Variants in WDR41 observed in about 807,000 individuals in gnomAD.
The protein encoded by WDR41 is WD repeat-containing protein 41.
Under a neutral mutation model 69.3 loss-of-function variants are expected in WDR41, and 63 were observed. The observed-to-expected ratio is 0.91, with a 90% confidence interval of 0.74 to 1.12. The LOEUF (loss-of-function observed/expected upper bound fraction) is 1.12. WDR41 is among the 50% of genes most tolerant of loss of function. WDR41 has a pLI of 0.00. For synonymous variants in WDR41, 185 were observed against 192.1 expected (o/e 0.96, Z 0.31); for missense variants, 543 against 534.5 (o/e 1.02, Z -0.16).
At chr5:77,582,497 T>C in intron 1 of WDR41, 1 of 1,600,444 alleles carries the variant, frequency 6.2e-7, no homozygotes, top group Non-Finnish European at 8.5e-7. Context: ...GCCCAAAAGA[T>C]GCTTCGAAAG....
intron 1 of WDR41, among the ~76,000 whole-genome samples, chr5:77,594,743 G>T (rs4704434): frequency 6.6e-6 from 1 of 151,738 alleles, no homozygotes; most frequent in African/African-American, 2.4e-5. Context: ...AGCTACAGGG[G>T]AAAAAAAGCT....
At chr5:77,612,529 C>A (rs1744581999) in intron 1 of WDR41, among the ~76,000 whole-genome samples, 2 of 152,056 alleles carry the variant, frequency 1.3e-5, no homozygotes, top group African/African-American at 4.8e-5. Flanking sequence ...ATAAACAGAA[C>A]CAAAGACAAA....
chr5:77,520,546 A>T (rs866838598), intron 1 of WDR41, among the ~76,000 whole-genome samples: 58 of 152,198 alleles, frequency 3.8e-4, no homozygotes, highest in African/African-American at 1.4e-3. Flanking sequence ...ATACACTGGT[A>T]TATGCAGAAT....
At chr5:77,507,276 G>A (rs186133216) in intron 1 of WDR41, among the ~76,000 whole-genome samples, 44 of 152,278 alleles carry the variant, frequency 2.9e-4, no homozygotes, top group African/African-American at 1.0e-3. Flanking sequence ...TAAATTTTAT[G>A]TAGTATATAT....
rs537929317 is a variant in WDR41 at position 77,576,213 on chromosome 5, A to G, written c.42+44266T>C. On this transcript the variant is annotated intron_variant, in intron 1 of 5. Transcript: ENST00000509971. ...CCCCATTCCCTCCTGTCTCCCAAAA[A>G]TCATTGTCTCTTTTGCCTGTTTTTC... is the stretch of plus-strand genomic sequence containing the variant. Among the ~76,000 whole-genome samples the G allele has an allele frequency of 2.6e-5, 4 of 152,114 alleles. No homozygotes were observed. The South Asian group carries it at 8.3e-4, about 32-fold the overall frequency.
intron 1 of WDR41, among the ~76,000 whole-genome samples, chr5:77,542,797 A>G (rs944690307): frequency 1.3e-5 from 2 of 152,240 alleles, no homozygotes; most frequent in African/African-American, 4.8e-5. Context: ...TGGACAGAGC[A>G]GCATGTGAAG....
At chr5:77,474,699 G>A (rs1800814430) in intron 2 of WDR41, among the ~76,000 whole-genome samples, 1 of 152,104 alleles carries the variant, frequency 6.6e-6, no homozygotes, top group Admixed American at 6.5e-5. Flanking sequence ...CACAAACAAA[G>A]ATTGCATAGT....
At chr5:77,578,864 C>CAAAAAAA (rs55920763) in intron 1 of WDR41, among the ~76,000 whole-genome samples, 13 of 77,160 alleles carry the variant, frequency 1.7e-4, no homozygotes, top group South Asian at 8.5e-4. Flanking sequence ...AACTCCATCT[C>CAAAAAAA]AAAAAAAAAA....
chr5:77,576,623 GC>G lies in WDR41; in HGVS notation c.42+43855del, dbSNP rs1580020425. Among the ~76,000 whole-genome samples the G allele has an allele frequency of 2.6e-5, 4 of 152,052 alleles. No individual in the cohort carries two copies. The East Asian group carries it at 7.7e-4, about 29-fold the overall frequency. On this transcript the variant is annotated intron_variant, in intron 1 of 5. Transcript: ENST00000509971. The stretch of plus-strand genomic sequence containing the variant: ...CTACCTCATCTCAGGTCTCTTTATG[GC>G]CTCCTTTTTCTCTTTAAGAATTAGC...
Position 77,440,857 on chromosome 5 carries a change from T to A in WDR41, c.838A>T (p.Lys280Ter). 1 of 1,614,192 alleles carries A rather than the reference T, an allele frequency of 6.2e-7. No homozygotes were observed. Among genetic ancestry groups the A allele is most frequent in the Non-Finnish European group, 8.5e-7 (1 of 1,180,036 alleles). ...DTQQEIKLCQ[K>*]SNDISIHHFT... ...TGATGAATAGAAATGTCATTTGATT[T>A]TTGACAGAGTTTTATTTCTTGTTGG... The change falls in exon 9 of 13, where the codon AAA becomes TAA. Residue 280 changes from lysine (K) to a stop codon, truncating the protein, a stop_gained. Transcript: ENST00000296679. LOFTEE classifies it high-confidence loss of function.
intron 6 of WDR41, among the ~76,000 whole-genome samples, chr5:77,453,095 T>C (rs532518919): frequency 6.1e-4 from 93 of 152,324 alleles, no homozygotes; most frequent in African/African-American, 2.1e-3. Flanking sequence ...TCTGATACTT[T>C]AAAATATCTA....
chr5:77,566,957 T>C (rs774312566), intron 1 of WDR41, among the ~76,000 whole-genome samples: 20 of 152,048 alleles, frequency 1.3e-4, no homozygotes, highest in Non-Finnish European at 2.5e-4. Context: ...TGGGAAAAAA[T>C]ATGTTCCAAC....
rs551072964 is a variant in WDR41, at chr5:77,544,533, A to C, written c.43-54961T>G. Among the ~76,000 whole-genome samples, 11 of 152,250 alleles carry C rather than the reference A, an allele frequency of 7.2e-5. No homozygotes were observed. The South Asian group carries it at 1.9e-3, about 26-fold the overall frequency. ...AGGAGTAGCTGTTCTTATATCAGAC[A>C]CAACAAACTTTAAAGCAATAGCAGT... On this transcript the variant is annotated intron_variant, in intron 1 of 5. Coordinates refer to the WDR41 transcript ENST00000509971.
At chr5:77,493,841 C>A (rs1801894425), upstream of WDR41, among the ~76,000 whole-genome samples, 1 of 152,162 alleles carries the variant, frequency 6.6e-6, no homozygotes. Flanking sequence ...GCCCCATGCT[C>A]TTTAGGGTTT....
chr5:77,554,379 G>A (rs1364968479), intron 1 of WDR41, among the ~76,000 whole-genome samples: 1 of 152,094 alleles, frequency 6.6e-6, no homozygotes, highest in African/African-American at 2.4e-5. Flanking sequence ...TAGAAAGTGG[G>A]ACCTTTGGGA....
At chr5:77,488,941 C>G (rs1040620083) in intron 2 of WDR41, among the ~76,000 whole-genome samples, 1 of 152,180 alleles carries the variant, frequency 6.6e-6, no homozygotes, top group Non-Finnish European at 1.5e-5. Context: ...TATACACCTT[C>G]ACCTCTATTT....
chr5:77,535,214 G>A (rs896849922), intron 1 of WDR41, among the ~76,000 whole-genome samples: 1 of 152,084 alleles, frequency 6.6e-6, no homozygotes, highest in Non-Finnish European at 1.5e-5. Flanking sequence ...TATGCTTGCT[G>A]TGGAGAAGAA....
At chr5:77,475,560 G>A (rs1800876285) in intron 2 of WDR41, among the ~76,000 whole-genome samples, 1 of 152,120 alleles carries the variant, frequency 6.6e-6, no homozygotes, top group Non-Finnish European at 1.5e-5. Context: ...AGAAGGGAGA[G>A]ACTGACACCT....
intron 1 of WDR41, among the ~76,000 whole-genome samples, chr5:77,608,810 A>C (rs908887141): frequency 6.6e-6 from 1 of 152,230 alleles, no homozygotes; most frequent in African/African-American, 2.4e-5. Context: ...GGCGCAGGAC[A>C]GGGGTGCAGT....
Sources: allele counts gnomAD v4.1 joint callset (sites outside exome capture counted in the v4.1 genomes callset), GRCh38; gene constraint gnomAD v4.1.1; transcripts MANE v1.5; gene names NCBI Gene and HGNC (gene_info 2026-07-23, HGNC 2026-07-21).